The following OSMR variants were observed in gnomAD, a reference collection of about 807,000 sequenced individuals.
OSMR encodes the protein oncostatin-M-specific receptor subunit beta.
In OSMR, 81 loss-of-function variants were observed where a neutral mutation model predicts 99.9. That is an observed-to-expected ratio of 0.81 (90% CI 0.68 to 0.97). The LOEUF (loss-of-function observed/expected upper bound fraction) is 0.97. OSMR is among the 50% of genes least tolerant of loss of function. The pLI, the probability that OSMR is intolerant of heterozygous loss-of-function variation, is 0.00. For missense variants in OSMR, 1,099 were observed against 1,153.4 expected, an observed-to-expected ratio of 0.95 and a Z score of 0.68; for synonymous variants, 406 against 410.4, an observed-to-expected ratio of 0.99 and a Z score of 0.13.
downstream of OSMR, chr5:38,938,340 C>T: frequency 4.4e-6 from 1 of 228,792 alleles, no homozygotes; most frequent in Non-Finnish European, 8.7e-6. Flanking sequence ...ATTTGTTTTA[C>T]AATGCAGCTT....
intron 15 of OSMR, among the ~76,000 whole-genome samples, chr5:38,928,913 G>A (rs1746595922): frequency 6.6e-6 from 1 of 151,932 alleles, no homozygotes; most frequent in Non-Finnish European, 1.5e-5. Flanking sequence ...ACACACACAT[G>A]TGCACACACA....
intron 7 of OSMR, among the ~76,000 whole-genome samples, chr5:38,903,429 T>C (rs976840495): frequency 6.6e-6 from 1 of 152,230 alleles, no homozygotes; most frequent in African/African-American, 2.4e-5. Flanking sequence ...ATCCTCTTTC[T>C]AGGGAGGACT....
chr5:38,865,098 A>G (rs1028128280), intron 1 of OSMR, among the ~76,000 whole-genome samples: 2 of 151,950 alleles, frequency 1.3e-5, no homozygotes, highest in Non-Finnish European at 1.5e-5. Context: ...CAAGTATAGG[A>G]CTTCTGTTTG....
At chr5:38,884,167 A>G in intron 5 of OSMR, 56 bp downstream of exon 5, 1 of 1,256,508 alleles carries the variant, frequency 8.0e-7, no homozygotes, top group Admixed American at 1.7e-5. Flanking sequence ...GAATAGATTA[A>G]ATCTCCTTTA....
chr5:38,933,264 G>T lies in OSMR; in HGVS notation c.2760G>T (p.Gln920His), dbSNP rs766028487. Reference sequence around the variant, plus strand: ...AAACAAGTTTGAATTATGTGTCCCAGTTGGCTTCACCCATGTTTGGAGACA... The same window carrying T: ...AAACAAGTTTGAATTATGTGTCCCATTTGGCTTCACCCATGTTTGGAGACA... ...AGETSLNYVS[Q>H]LASPMFGDKD... The change falls in exon 18 of 18, where the codon CAG becomes CAT. Residue 920 changes from glutamine to histidine, a missense_variant. Physicochemically the swap from Gln to His is conservative, Grantham distance 24 (BLOSUM62 0). Coordinates refer to ENST00000274276, the MANE Select transcript of OSMR (RefSeq NM_003999.3). 9.9e-6 allele frequency: 16 copies of T among 1,614,058 alleles called. No individual in the cohort carries two copies. The Admixed American group carries it at 1.7e-4, about 17-fold the overall frequency.
rs79742677 is a variant in OSMR at position 38,858,317 on chromosome 5, C to CT, written c.-13-10699dup. Among the ~76,000 whole-genome samples, 1,051 of 139,670 alleles carry CT rather than the reference C, an allele frequency of 7.5e-3. 14 individuals carry two copies. Among genetic ancestry groups the CT allele is most frequent in the African/African-American group, 0.02 (760 of 38,250 alleles). The allele number at this position is 139,670 out of a possible 152,430, so 91.6% of individuals were successfully genotyped here. On this transcript the variant is annotated intron_variant, in intron 1 of 17. Transcript: ENST00000274276. ...CTATCTTCTATTTCCATGAGATCCA[C>CT]TTTTTTTTTTTTTTTTAGCTCCCAC...
intron 12 of OSMR, 95 bp downstream of exon 12, chr5:38,921,889 T>C: frequency 9.4e-7 from 1 of 1,058,250 alleles, no homozygotes; most frequent in Admixed American, 1.8e-5. Context: ...TTGACTGTGC[T>C]AAGCTAGTAA....
rs1394443136 is a variant in OSMR, at chr5:38,935,516, G to T, written c.*2072G>T. ...TCATTTGAAACTTGTTCATAAAAAT[G>T]TCAATGACATTGATGACTGATTTGT... On this transcript the variant is annotated 3_prime_UTR_variant, in exon 18 of 18. Coordinates refer to ENST00000274276, the MANE Select transcript of OSMR (RefSeq NM_003999.3). The T allele has an allele frequency of 3.9e-5, 6 of 152,284 alleles. No individual in the cohort carries two copies. In the East Asian group the frequency reaches 1.2e-3, roughly 29 times the overall value. The allele number at this position is 152,284 out of a possible 1,614,324, so 9.4% of individuals were successfully genotyped here.
chr5:38,918,715 G>A lies in OSMR; in HGVS notation c.1363-125G>A, dbSNP rs986775546. The stretch of plus-strand genomic sequence containing the variant: ...TTGAGAGAGTTATTTTCTCTATTAA[G>A]CTGTTTGAATTTTCTGGTGTGTGCG... On this transcript the variant is annotated intron_variant, in intron 10 of 17. Transcript: ENST00000274276. 7.8e-5 allele frequency: 118 copies of A among 1,513,206 alleles called. 11 individuals carry two copies. The highest frequency in any genetic ancestry group is 8.8e-7 in the Non-Finnish European group (1 of 1,132,150). 93.7% of individuals were successfully genotyped at this position (1,513,206 alleles called of 1,614,324 possible).
intron 7 of OSMR, among the ~76,000 whole-genome samples, chr5:38,891,739 C>A (rs975732161): frequency 6.6e-6 from 1 of 152,214 alleles, no homozygotes; most frequent in Non-Finnish European, 1.5e-5. Context: ...GCCTTGGATC[C>A]CTGAGCAACC....
chr5:38,932,472 G>C lies in OSMR; in HGVS notation c.2304G>C (p.Glu768Asp). ...TCGCTTTTTTTTCTAGGATCAAGGA[G>C]ACCTGTTATCCTGACATCCCTGACC... is the stretch of plus-strand genomic sequence containing the variant. Reference protein sequence around the residue: ...MCYLKSQWIKETCYPDIPDPY... With the variant: ...MCYLKSQWIKDTCYPDIPDPY... Residue 768 changes from glutamate to aspartate, a missense_variant, in exon 17 of 18, where the codon GAG (glutamate) becomes GAC (aspartate). Transcript: ENST00000274276. 6.2e-7 allele frequency: 1 copy of C among 1,613,288 alleles called. No individual in the cohort carries two copies. Among genetic ancestry groups the C allele is most frequent in the Non-Finnish European group, 8.5e-7 (1 of 1,179,290 alleles).
chr5:38,932,097 G>T, intron 16 of OSMR, 133 bp downstream of exon 16: 2 of 740,928 alleles, frequency 2.7e-6, no homozygotes, highest in Non-Finnish European at 4.6e-6. Context: ...GGAGGCTGGG[G>T]TGAGAGTATG....
intron 13 of OSMR, 33 bp from the exon 14 acceptor site, chr5:38,924,389 T>C: frequency 6.2e-7 from 1 of 1,613,920 alleles, no homozygotes; most frequent in Non-Finnish European, 8.5e-7. Flanking sequence ...TTCCAAATCA[T>C]GACTTTTCTC....
chr5:38,941,027 C>T (rs1747510638), intron 1 of OSMR: 2 of 232,680 alleles, frequency 8.6e-6, no homozygotes, highest in African/African-American at 4.4e-5. Context: ...CTTTCATTTA[C>T]AAGCATTCAA....
chr5:38,883,090 G>T (rs1418845050), intron 4 of OSMR, among the ~76,000 whole-genome samples: 2 of 152,166 alleles, frequency 1.3e-5, no homozygotes, highest in Admixed American at 1.3e-4. Context: ...GAGGTGGGCG[G>T]ATTGCCTGAG....
At chr5:38,941,988 T>C (rs1975089) in intron 1 of OSMR, 251,181 of 260,368 alleles carry the variant, frequency 0.96, 121,333 homozygotes, top group East Asian at 0.99. Context: ...ACTGTCATTA[T>C]GCTTTTAAAA....
chr5:38,932,811 T>G, intron 17 of OSMR, 61 bp from the exon 18 acceptor site: 1 of 1,608,356 alleles, frequency 6.2e-7, no homozygotes, highest in East Asian at 2.2e-5. Context: ...CTTAATATAC[T>G]TTGATGCATG....
rs1000203057 is a variant in OSMR at position 38,934,544 on chromosome 5, C to T, written c.*1100C>T. On this transcript the variant is annotated 3_prime_UTR_variant, in exon 18 of 18. Transcript: ENST00000274276. ...CTGGTACACAACTGGTATTTTAGTA[C>T]ATGTTGGTTCTTTTGGTGCAATCTC... is the stretch of plus-strand genomic sequence containing the variant. The T allele has an allele frequency of 2.0e-5, 3 of 152,102 alleles. No individual in the cohort carries two copies. Among genetic ancestry groups the T allele is most frequent in the Admixed American group, 1.3e-4 (2 of 15,270 alleles). The allele number at this position is 152,102 out of a possible 1,614,324, so 9.4% of individuals were successfully genotyped here. A position where few individuals can be genotyped will look rare whatever the true frequency, so the allele number is the denominator to read the frequency against.
downstream of OSMR, chr5:38,939,502 G>A (rs637747): frequency 0.039 from 8,927 of 231,298 alleles, 354 homozygotes; most frequent in African/African-American, 0.11. Flanking sequence ...TAAAAGTATA[G>A]GAAATTTTAG....
Sources: allele counts gnomAD v4.1 joint callset (sites outside exome capture counted in the v4.1 genomes callset), GRCh38; gene constraint gnomAD v4.1.1; transcripts MANE v1.5; gene names NCBI Gene and HGNC (gene_info 2026-07-23, HGNC 2026-07-21).